MYEF2: variants seen among roughly 807,000 people sequenced by gnomAD.
MYEF2 encodes myelin expression factor 2.
A neutral mutation model predicts 75.2 loss-of-function variants in MYEF2; 37 were observed. That is an observed-to-expected ratio of 0.49 (90% CI 0.38 to 0.65). The LOEUF (loss-of-function observed/expected upper bound fraction) is 0.65. Among genes scored for constraint, MYEF2 ranks in the 30% least tolerant of loss-of-function variants. MYEF2 has a pLI of 0.00. For missense variants in MYEF2, 634 were observed against 771.4 expected, an observed-to-expected ratio of 0.82 and a Z score of 2.11; for synonymous variants, 195 against 241.6, an observed-to-expected ratio of 0.81 and a Z score of 1.79.
intron 10 of MYEF2, chr15:48,152,504 A>G: frequency 8.9e-6 from 4 of 450,014 alleles, no homozygotes; most frequent in Admixed American, 4.0e-5. Flanking sequence ...CAGACAAGAA[A>G]GCAAAATTCA....
chr15:48,164,123 C>T (rs929116699), intron 5 of MYEF2, among the ~76,000 whole-genome samples: 3 of 152,038 alleles, frequency 2.0e-5, no homozygotes, highest in African/African-American at 7.2e-5. Flanking sequence ...TCTGATAGAC[C>T]TGGGCAAAGT....
At chr15:48,159,576 T>A (rs373318799) in intron 6 of MYEF2, 37 bp downstream of exon 6, 64 of 1,571,120 alleles carry the variant, frequency 4.1e-5, no homozygotes, top group African/African-American at 5.4e-5. Flanking sequence ...TAGCTATCTA[T>A]CTGAATGACA....
chr15:48,158,586 C>T (rs1486092879), intron 7 of MYEF2, among the ~76,000 whole-genome samples, 183 bp downstream of exon 7: 1 of 152,028 alleles, frequency 6.6e-6, no homozygotes, highest in Non-Finnish European at 1.5e-5. Flanking sequence ...ACAATATGGC[C>T]AATTCAAGTT....
Position 48,142,435 on chromosome 15 carries a change from T to A in MYEF2, c.*473A>T. ...CCATTTCTTCATTTAAATCAAATTT[T>A]AAAAATCTTGAACCTTAGAATCTAA... On this transcript the variant is annotated 3_prime_UTR_variant, in exon 17 of 17. Coordinates refer to ENST00000324324, the MANE Select transcript of MYEF2 (RefSeq NM_016132.5). The A allele has an allele frequency of 9.2e-7, 1 of 1,091,912 alleles. No individual in the cohort carries two copies. The highest frequency in any genetic ancestry group is 1.3e-6 in the Non-Finnish European group (1 of 794,180). 67.6% of individuals were successfully genotyped at this position (1,091,912 alleles called of 1,614,324 possible).
intron 1 of MYEF2, among the ~76,000 whole-genome samples, chr15:48,170,086 C>T (rs1239199758): frequency 6.6e-6 from 1 of 152,048 alleles, no homozygotes; most frequent in Admixed American, 6.6e-5. Flanking sequence ...TTTTACAGCA[C>T]AAACAATAGG....
intron 16 of MYEF2, among the ~76,000 whole-genome samples, chr15:48,143,817 C>T (rs1362143713): frequency 6.6e-6 from 1 of 151,932 alleles, no homozygotes; most frequent in Non-Finnish European, 1.5e-5. Context: ...TCTAGAGACT[C>T]GTATTTGAAG....
intron 10 of MYEF2, chr15:48,153,441 A>C (rs946698475): frequency 6.4e-6 from 1 of 155,544 alleles, no homozygotes; most frequent in African/African-American, 2.4e-5. Context: ...CCACCTTCCC[A>C]AATGGATAAA....
intron 7 of MYEF2, 101 bp downstream of exon 7, chr15:48,158,668 C>T: frequency 2.1e-6 from 3 of 1,408,722 alleles, no homozygotes; most frequent in Non-Finnish European, 2.9e-6. Flanking sequence ...ACACACATCT[C>T]TAAGCCAGGC....
At chr15:48,153,016 AG>A (rs1257727132) in intron 10 of MYEF2, 7 of 139,572 alleles carry the variant, frequency 5.0e-5, no homozygotes, top group African/African-American at 2.4e-4. Context: ...CTTGAGTTTA[AG>A]GTGTAATTTT....
In MYEF2 at chr15:48,158,776, T is replaced by C; in HGVS notation, c.864A>G (p.Gln288=). The C allele has an allele frequency of 6.2e-7, 1 of 1,613,572 alleles. No homozygotes were observed. Among genetic ancestry groups the C allele is most frequent in the Non-Finnish European group, 8.5e-7 (1 of 1,179,640 alleles). ...VTFEQAIEAV[Q]AISMFNGQFL... is the part of the protein sequence containing the mutation. ...AAATGTAAATCAGGATACAAATTGC[T>C]TGAACTGCTTCAATTGCTTGCTCAA... Residue 288 remains glutamine, a synonymous_variant, in exon 7 of 17, where the codon CAA becomes CAG. Transcript: ENST00000324324.
chr15:48,154,866 A>G (rs542649997), intron 9 of MYEF2, among the ~76,000 whole-genome samples: 52 of 152,258 alleles, frequency 3.4e-4, no homozygotes, highest in African/African-American at 1.2e-3. Context: ...CAGAACTAAT[A>G]ATACAGAACT....
rs759230895 is a variant in MYEF2, at chr15:48,153,837, T to TGGCA, written c.1038_1041dup (p.Ser348CysfsTer30). On this transcript the variant is annotated frameshift_variant, in exon 10 of 17. Transcript: ENST00000324324. LOFTEE classifies it high-confidence loss of function. ...ATTACTCCACCTATGTTCAACTGGC[T>TGGCA]GGCACTAATAGGCTGTCCACCCGGA... 1 of 1,613,566 alleles carries TGGCA rather than the reference T, an allele frequency of 6.2e-7. No homozygotes were observed. The highest frequency in any genetic ancestry group is 1.7e-5 in the Admixed American group (1 of 59,960).
At chr15:48,177,910 G>A (rs2140958685) in intron 1 of MYEF2, among the ~76,000 whole-genome samples, 167 bp downstream of exon 1, 1 of 152,238 alleles carries the variant, frequency 6.6e-6, no homozygotes, top group Non-Finnish European at 1.5e-5. Context: ...GGCGGGGAAG[G>A]GCCTGGGAGC....
At chr15:48,171,414 C>T (rs1033779923) in intron 1 of MYEF2, among the ~76,000 whole-genome samples, 3 of 152,048 alleles carry the variant, frequency 2.0e-5, no homozygotes, top group Admixed American at 1.3e-4. Flanking sequence ...TATTTGCTTA[C>T]AACAATCTGA....
At chr15:48,164,473 T>C (rs1228235008) in intron 5 of MYEF2, among the ~76,000 whole-genome samples, 2 of 152,224 alleles carry the variant, frequency 1.3e-5, no homozygotes, top group African/African-American at 2.4e-5. Context: ...ATGTACACTG[T>C]TGAAATGACA....
chr15:48,143,371 A>G (rs2039156781), intron 16 of MYEF2, among the ~76,000 whole-genome samples: 2 of 152,094 alleles, frequency 1.3e-5, no homozygotes, highest in African/African-American at 2.4e-5. Flanking sequence ...AAGTCAAGCT[A>G]GCACAAAATG....
At chr15:48,159,435 T>C (rs1442695607) in intron 6 of MYEF2, among the ~76,000 whole-genome samples, 178 bp downstream of exon 6, 1 of 150,820 alleles carries the variant, frequency 6.6e-6, no homozygotes, top group Non-Finnish European at 1.5e-5. Flanking sequence ...ACCTTGTGCG[T>C]GTGTGTGTGT....
intron 10 of MYEF2, chr15:48,153,191 C>G (rs1363093294): frequency 2.0e-5 from 3 of 151,904 alleles, no homozygotes; most frequent in African/African-American, 7.3e-5. Flanking sequence ...TTTCTTAAAA[C>G]TTTTATGTAT....
rs556168142 is a variant in MYEF2 at position 48,134,927 on chromosome 15, C to T, written c.*7981G>A. The T allele has an allele frequency of 2.0e-5, 33 of 1,612,276 alleles. No individual in the cohort carries two copies. Among genetic ancestry groups the T allele is most frequent in the Middle Eastern group, 1.6e-4 (1 of 6,074 alleles). On this transcript the variant is annotated 3_prime_UTR_variant, in exon 17 of 17. Coordinates refer to ENST00000324324, the MANE Select transcript of MYEF2 (RefSeq NM_016132.5). ...TGGCCCCTATTCAGAGACTGTGCAG[C>T]GTACACAATTAGTGCAGCAGCAGTT...
Sources: gnomAD v4.1 joint callset for allele counts (sites outside exome capture counted in the v4.1 genomes callset) on GRCh38, gnomAD v4.1.1 for gene constraint, MANE v1.5 for transcripts, NCBI Gene and HGNC (gene_info 2026-07-23, HGNC 2026-07-21) for gene names.